The following MFSD6 variants were observed in gnomAD, a reference collection of about 807,000 sequenced individuals.
The protein encoded by MFSD6 is major facilitator superfamily domain containing 6, also known as major facilitator superfamily domain-containing protein 6.
In MFSD6, 26 loss-of-function variants were observed where a neutral mutation model predicts 56.3. That is an observed-to-expected ratio of 0.46 (90% CI 0.34 to 0.64). MFSD6 has a LOEUF of 0.64. MFSD6 is among the 30% of genes least tolerant of loss of function. The probability of loss-of-function intolerance (pLI) is 0.01; values close to 1 mark genes in which losing one functional copy is unlikely to be tolerated. For missense variants in MFSD6, 750 were observed against 986.2 expected, an observed-to-expected ratio of 0.76 and a Z score of 3.21; for synonymous variants, 331 against 366.9, an observed-to-expected ratio of 0.90 and a Z score of 1.12.
Position 190,415,675 on chromosome 2 carries a change from A to T in MFSD6, c.-54+262A>T, listed in dbSNP as rs985613527. Among the ~76,000 whole-genome samples the T allele has an allele frequency of 6.6e-6, 1 of 152,236 alleles. No individual in the cohort carries two copies. Among genetic ancestry groups the T allele is most frequent in the African/African-American group, 2.4e-5 (1 of 41,458 alleles). On this transcript the variant is annotated intron_variant, in intron 2 of 7. Transcript: ENST00000392328. The surrounding 1 kb of genome is among the most constrained non-coding windows in gnomAD (Gnocchi z 4.5). ...CTCAAGTTATCAGAACCCTAACAGC[A>T]AAATAAAACAATTTTAGATTACATA...
chr2:190,443,672 GA>G lies in MFSD6; in HGVS notation c.1532+6114del, dbSNP rs1280026830. Reference sequence around the variant, plus strand: ...TTCTGATGACCATAGATTTTCAAATGAAATGGAGTTATATCAAATTGGAAGT... The same window carrying G: ...TTCTGATGACCATAGATTTTCAAATGAATGGAGTTATATCAAATTGGAAGT... On this transcript the variant is annotated intron_variant, in intron 3 of 7. Transcript: ENST00000392328. This position sits in a 1 kb window ranked among gnomAD's most constrained non-coding sequence, Gnocchi z 4.2. Among the ~76,000 whole-genome samples, 2 of 152,182 alleles carry G rather than the reference GA, an allele frequency of 1.3e-5. No homozygotes were observed. Among genetic ancestry groups the G allele is most frequent in the African/African-American group, 2.4e-5 (1 of 41,434 alleles).
Position 190,447,161 on chromosome 2 carries a change from A to G in MFSD6, c.1532+9600A>G, listed in dbSNP as rs1331215163. Among the ~76,000 whole-genome samples the G allele has an allele frequency of 3.9e-5, 6 of 152,226 alleles. No individual in the cohort carries two copies. Among genetic ancestry groups the G allele is most frequent in the African/African-American group, 1.2e-4 (5 of 41,458 alleles). ...TATTAGCGCACTCAAGGTGTCTGACATGGAATTATTTTAACACAATGAGTA... is the reference window on the plus strand; with the variant it reads ...TATTAGCGCACTCAAGGTGTCTGACGTGGAATTATTTTAACACAATGAGTA... On this transcript the variant is annotated intron_variant, in intron 3 of 7. Transcript: ENST00000392328. This position sits in a 1 kb window ranked among gnomAD's most constrained non-coding sequence, Gnocchi z 4.5.
intron 3 of MFSD6, among the ~76,000 whole-genome samples, chr2:190,453,448 C>T (rs1686856231): frequency 6.6e-6 from 1 of 152,172 alleles, no homozygotes; most frequent in Admixed American, 6.5e-5. Context: ...AGAACAGCTC[C>T]ATCTTCCTCC....
At position 190,489,653 on chromosome 2, in the gene MFSD6, T is replaced by C; in HGVS notation, c.1793-115T>C. 3 of 952,984 alleles carry C rather than the reference T, an allele frequency of 3.1e-6. No homozygotes were observed. Among genetic ancestry groups the C allele is most frequent in the Non-Finnish European group, 4.7e-6 (3 of 643,568 alleles). 59.0% of individuals were successfully genotyped at this position (952,984 alleles called of 1,614,324 possible). ...GAGCTAATACCCAACTACTTTTCTC[T>C]GGTTTGTCTCAAGCTGTGCTTCCTT... On this transcript the variant is annotated intron_variant, in intron 5 of 7. Transcript: ENST00000392328. The surrounding 1 kb of genome is among the most constrained non-coding windows in gnomAD (Gnocchi z 6.6).
chr2:190,475,093 C>T (rs1456473731), intron 4 of MFSD6, among the ~76,000 whole-genome samples: 5 of 152,164 alleles, frequency 3.3e-5, no homozygotes, highest in African/African-American at 1.2e-4. Flanking sequence ...CTATGACAAA[C>T]CCACAGCCAA....
At position 190,439,195 on chromosome 2, in the gene MFSD6, T is replaced by C. The variant is rs1293109371; in HGVS notation, c.1532+1634T>C. ...GCAGATGAGCAAATCTCACTGCAGT[T>C]AATAATGTCTTTAAAATCACTGTTA... On this transcript the variant is annotated intron_variant, in intron 3 of 7. Coordinates refer to ENST00000392328, the MANE Select transcript of MFSD6 (RefSeq NM_017694.4). The surrounding 1 kb of genome is among the most constrained non-coding windows in gnomAD (Gnocchi z 5.8). Among the ~76,000 whole-genome samples the C allele has an allele frequency of 4.6e-5, 7 of 151,928 alleles. No homozygotes were observed. Among genetic ancestry groups the C allele is most frequent in the Non-Finnish European group, 1.0e-4 (7 of 67,990 alleles).
rs563687289 is a variant in MFSD6, at chr2:190,454,967, T to C, written c.1533-14791T>C. 4.4e-4 allele frequency among the ~76,000 whole-genome samples: 49 copies of C among 111,178 alleles called. No homozygotes were observed. The South Asian group carries it at 0.017, about 40-fold the overall frequency. 72.9% of individuals were successfully genotyped at this position (111,178 alleles called of 152,430 possible). A position where few individuals can be genotyped will look rare whatever the true frequency, so the allele number is the denominator to read the frequency against. On this transcript the variant is annotated intron_variant, in intron 3 of 7. Coordinates refer to ENST00000392328, the MANE Select transcript of MFSD6 (RefSeq NM_017694.4). This position sits in a 1 kb window ranked among gnomAD's most constrained non-coding sequence, Gnocchi z 4.6. ...GTATATGTATATGTATATGTATATG[T>C]ATATGTATATGTATATGTATATGTA...
intron 3 of MFSD6, among the ~76,000 whole-genome samples, chr2:190,449,119 C>T (rs1182718888): frequency 2.6e-5 from 4 of 152,172 alleles, no homozygotes. Context: ...GTATAACAAC[C>T]ATGGCTTCAG....
rs549370563 is a variant in MFSD6, at chr2:190,495,467, C to T, written c.1892-1972C>T. On this transcript the variant is annotated intron_variant, in intron 6 of 7. Transcript: ENST00000392328. The surrounding 1 kb of genome is among the most constrained non-coding windows in gnomAD (Gnocchi z 4.7). ...CAATGCAATTCCCATCAAATACCAC[C>T]ATCATTCTTCACAGAACTAGAAAAA... Among the ~76,000 whole-genome samples the T allele has an allele frequency of 2.0e-5, 3 of 152,110 alleles. No individual in the cohort carries two copies. In the South Asian group the frequency reaches 6.2e-4, roughly 32 times the overall value.
chr2:190,442,000 A>G (rs4261750), intron 3 of MFSD6, among the ~76,000 whole-genome samples: 109,470 of 152,044 alleles, frequency 0.72, 40,037 homozygotes, highest in Admixed American at 0.8. Context: ...ATGGCAATTG[A>G]TACTGTGAAG....
intron 3 of MFSD6, among the ~76,000 whole-genome samples, chr2:190,464,546 C>T (rs910678730): frequency 6.6e-6 from 1 of 152,124 alleles, no homozygotes; most frequent in Non-Finnish European, 1.5e-5. Flanking sequence ...TTCAGTCACC[C>T]TGTCTGGCCA....
chr2:190,497,423 A>G lies in MFSD6; in HGVS notation c.1892-16A>G. The stretch of plus-strand genomic sequence containing the variant: ...AAAATGCTGAAAAAATAGTTTAAAC[A>G]TTCTTTTCTCTCCAGACAAGACAAT... On this transcript the variant is annotated splice_polypyrimidine_tract_variant and intron_variant, in intron 6 of 7. Transcript: ENST00000392328. This position sits in a 1 kb window ranked among gnomAD's most constrained non-coding sequence, Gnocchi z 5.2. The G allele has an allele frequency of 6.2e-7, 1 of 1,606,590 alleles. No homozygotes were observed. Among genetic ancestry groups the G allele is most frequent in the Non-Finnish European group, 8.5e-7 (1 of 1,175,662 alleles).
In MFSD6 at chr2:190,413,247, G is replaced by A; in HGVS notation, c.-175-2045G>A. On this transcript the variant is annotated intron_variant, in intron 1 of 7. Transcript: ENST00000392328. The surrounding 1 kb of genome is among the most constrained non-coding windows in gnomAD (Gnocchi z 4.1). ...GTGAGTGAGAGTTCTGTATTACCTTGTGACCTGGTGGTCCTGCTGCATTTT... is the reference window on the plus strand; with the variant it reads ...GTGAGTGAGAGTTCTGTATTACCTTATGACCTGGTGGTCCTGCTGCATTTT... Among the ~76,000 whole-genome samples, 1 of 152,020 alleles carries A rather than the reference G, an allele frequency of 6.6e-6. No individual in the cohort carries two copies. Among genetic ancestry groups the A allele is most frequent in the Non-Finnish European group, 1.5e-5 (1 of 68,018 alleles).
At chr2:190,475,370 C>T (rs1192025650) in intron 4 of MFSD6, among the ~76,000 whole-genome samples, 1 of 152,228 alleles carries the variant, frequency 6.6e-6, no homozygotes, top group Non-Finnish European at 1.5e-5. Context: ...AGCAAAGTCT[C>T]AGGATACAAA....
chr2:190,473,912 C>T (rs968035887), intron 4 of MFSD6, among the ~76,000 whole-genome samples: 7 of 152,286 alleles, frequency 4.6e-5, no homozygotes, highest in Admixed American at 3.9e-4. Context: ...TTAAGAAACT[C>T]ACTCAAAACT....
upstream of MFSD6, among the ~76,000 whole-genome samples, chr2:190,408,034 T>A (rs1392546706): frequency 6.6e-6 from 1 of 152,018 alleles, no homozygotes; most frequent in Non-Finnish European, 1.5e-5. Context: ...CTCAGCGTGC[T>A]CCCCGGGCCC....
At chr2:190,464,811 A>AT in intron 3 of MFSD6, 1 of 631,358 alleles carries the variant, frequency 1.6e-6, no homozygotes, top group Non-Finnish European at 1.9e-6. Context: ...TTTCCTCTTC[A>AT]TTTTTACTCC....
chr2:190,431,458 C>T lies in MFSD6; in HGVS notation c.-53-4519C>T, dbSNP rs570169605. On this transcript the variant is annotated intron_variant, in intron 2 of 7. Coordinates refer to ENST00000392328, the MANE Select transcript of MFSD6 (RefSeq NM_017694.4). This position sits in a 1 kb window ranked among gnomAD's most constrained non-coding sequence, Gnocchi z 4.4. ...GAGACTCCGTCTGCAATCCCGGCAC[C>T]TCTGGAGGCCGAGGCTGGCGGATCA... 1.2e-4 allele frequency among the ~76,000 whole-genome samples: 18 copies of T among 152,252 alleles called. No individual in the cohort carries two copies. The highest frequency in any genetic ancestry group is 8.8e-5 in the Non-Finnish European group (6 of 68,050).
Position 190,456,849 on chromosome 2 carries a change from A to T in MFSD6, c.1533-12909A>T, listed in dbSNP as rs556085299. ...CAGCGCATTTCTTCTCATAACACAG[A>T]ATTTTGCTTCTGGGTAAGCTTTTCT... On this transcript the variant is annotated intron_variant, in intron 3 of 7. Transcript: ENST00000392328. This position sits in a 1 kb window ranked among gnomAD's most constrained non-coding sequence, Gnocchi z 5.4. Among the ~76,000 whole-genome samples, 4 of 152,250 alleles carry T rather than the reference A, an allele frequency of 2.6e-5. No individual in the cohort carries two copies. The highest frequency in any genetic ancestry group is 6.5e-5 in the Admixed American group (1 of 15,296).
Sources: allele counts gnomAD v4.1 joint callset (sites outside exome capture counted in the v4.1 genomes callset), GRCh38; gene constraint gnomAD v4.1.1; non-coding constraint Gnocchi (gnomAD v3.1); transcripts MANE v1.5; gene names NCBI Gene and HGNC (gene_info 2026-07-23, HGNC 2026-07-21).